The following CYREN variants were observed in gnomAD, a reference collection of about 807,000 sequenced individuals.
CYREN encodes the protein cell cycle regulator of NHEJ, also known as cell cycle regulator of non-homologous end joining.
A neutral mutation model predicts 9.7 loss-of-function variants in CYREN; 7 were observed. The ratio of observed to expected loss-of-function variants is 0.72; its 90% CI spans 0.41 to 1.36. The LOEUF is 1.36. Among genes scored for constraint, CYREN ranks in the 40% most tolerant of loss-of-function variants. The pLI is 0.01. For synonymous variants in CYREN, 76 were observed against 77.9 expected, an observed-to-expected ratio of 0.98 and a Z score of 0.13; for missense variants, 215 against 198.1, an observed-to-expected ratio of 1.09 and a Z score of -0.51.
chr7:135,144,701 A>T (rs947436609), intron 2 of CYREN, among the ~76,000 whole-genome samples: 1 of 151,998 alleles, frequency 6.6e-6, no homozygotes, highest in Non-Finnish European at 1.5e-5. Flanking sequence ...GAATCCCTTG[A>T]GCCCAGGAGT....
chr7:135,148,812 T>C (rs922419628), intron 2 of CYREN, among the ~76,000 whole-genome samples: 1 of 152,240 alleles, frequency 6.6e-6, no homozygotes, highest in Non-Finnish European at 1.5e-5. Flanking sequence ...TGTTAGTCAT[T>C]AGACCAGATT....
At chr7:135,164,942 C>T, downstream of CYREN, 1 of 1,613,076 alleles carries the variant, frequency 6.2e-7, no homozygotes. Flanking sequence ...TGCTTATAGC[C>T]ATGGCTGTGT....
chr7:135,168,926 T>C lies in CYREN; in HGVS notation c.-4A>G, dbSNP rs1585378444. On this transcript the variant is annotated 5_prime_UTR_variant, in exon 2 of 4. Transcript: ENST00000393114. ...TCTCGGATTGTAAGGTTTCCATCTC[T>C]GTACCTTCTCACAAAGAAGAGTCAG... The C allele has an allele frequency of 6.3e-7, 1 of 1,581,288 alleles. No homozygotes were observed. The highest frequency in any genetic ancestry group is 2.3e-5 in the East Asian group (1 of 43,570).
At chr7:135,142,096 T>C (rs555862694) in intron 2 of CYREN, among the ~76,000 whole-genome samples, 71 of 152,218 alleles carry the variant, frequency 4.7e-4, no homozygotes, top group Non-Finnish European at 7.1e-4. Context: ...TTCCAGAATA[T>C]CTTTGTTAGT....
At chr7:135,163,831 G>C (rs1402345538), downstream of CYREN, among the ~76,000 whole-genome samples, 2 of 152,240 alleles carry the variant, frequency 1.3e-5, no homozygotes, top group African/African-American at 4.8e-5. Flanking sequence ...GGGTGTGTCA[G>C]TGGTCCTTGA....
At chr7:135,158,593 C>T (rs945165243) in intron 2 of CYREN, among the ~76,000 whole-genome samples, 30 of 152,156 alleles carry the variant, frequency 2.0e-4, no homozygotes, top group African/African-American at 7.2e-4. Flanking sequence ...CAGCTACAGC[C>T]TCATCAGCCC....
chr7:135,167,937 G>A, intron 2 of CYREN, 130 bp from the exon 3 acceptor site: 1 of 1,473,332 alleles, frequency 6.8e-7, no homozygotes, highest in East Asian at 2.4e-5. Context: ...CCTCTGAGCT[G>A]AGGAGCTTTC....
At chr7:135,130,812 C>A (rs1269629914) in intron 2 of CYREN, among the ~76,000 whole-genome samples, 1 of 151,948 alleles carries the variant, frequency 6.6e-6, no homozygotes, top group Non-Finnish European at 1.5e-5. Flanking sequence ...TTTGCAACAG[C>A]AGTGTTTTGG....
intron 2 of CYREN, chr7:135,135,025 CA>C (rs1262471517): frequency 6.4e-7 from 1 of 1,551,080 alleles, no homozygotes; most frequent in African/African-American, 1.4e-5. Flanking sequence ...TAAACATTCT[CA>C]AATCTGGGCC....
chr7:135,096,151 C>CAA (rs201040922), intron 2 of CYREN, among the ~76,000 whole-genome samples: 60,158 of 147,640 alleles, frequency 0.41, 12,509 homozygotes, highest in South Asian at 0.59. Context: ...GACTCTCTCT[C>CAA]AAAAAAAAAA....
chr7:135,094,314 A>G (rs1190599777), exon 3 of CYREN: 2 of 452,244 alleles, frequency 4.4e-6, no homozygotes, highest in Non-Finnish European at 8.9e-6. Flanking sequence ...GCTGACAAGT[A>G]AACTACTACC....
intron 2 of CYREN, among the ~76,000 whole-genome samples, chr7:135,133,641 G>T (rs1829093143): frequency 6.6e-6 from 1 of 152,204 alleles, no homozygotes; most frequent in Admixed American, 6.5e-5. Flanking sequence ...CACTGATTTT[G>T]ATAGGGAATT....
rs1433800262 is a variant in CYREN at position 135,165,896 on chromosome 7, T to C, written c.*715A>G. 3 of 167,020 alleles carry C rather than the reference T, an allele frequency of 1.8e-5. No individual in the cohort carries two copies. Among genetic ancestry groups the C allele is most frequent in the Admixed American group, 6.5e-5 (1 of 15,290 alleles). The allele number at this position is 167,020 out of a possible 1,614,324, so 10.3% of individuals were successfully genotyped here. ...CACACTGAAAACAGAGGCAGAGACA[T>C]GTACTCTGGTGTGATCTCTTGTCCT... is the stretch of plus-strand genomic sequence containing the variant. On this transcript the variant is annotated 3_prime_UTR_variant, in exon 4 of 4. Coordinates refer to ENST00000393114, the MANE Select transcript of CYREN (RefSeq NM_024033.4).
chr7:135,135,938 A>G (rs963176520), intron 2 of CYREN, among the ~76,000 whole-genome samples: 2 of 152,236 alleles, frequency 1.3e-5, no homozygotes, highest in Non-Finnish European at 2.9e-5. Flanking sequence ...AAAGGTGTAA[A>G]GATGTACAGT....
At chr7:135,094,141 T>A in exon 3 of CYREN, 2 of 310,328 alleles carry the variant, frequency 6.4e-6, no homozygotes, top group Non-Finnish European at 1.3e-5. Flanking sequence ...AAACTACTCT[T>A]AGAAGAAAAT....
At chr7:135,144,042 A>T (rs1325480049) in intron 2 of CYREN, among the ~76,000 whole-genome samples, 1 of 152,174 alleles carries the variant, frequency 6.6e-6, no homozygotes, top group Non-Finnish European at 1.5e-5. Flanking sequence ...AGCGTTTCTC[A>T]TCTCCCTACC....
downstream of CYREN, among the ~76,000 whole-genome samples, chr7:135,163,393 G>C (rs1052419299): frequency 6.6e-6 from 1 of 152,136 alleles, no homozygotes; most frequent in Non-Finnish European, 1.5e-5. Context: ...TGTAATCCCA[G>C]CACTTTGGGA....
chr7:135,124,220 CA>C (rs369396148), intron 2 of CYREN, among the ~76,000 whole-genome samples: 140 of 138,106 alleles, frequency 1.0e-3, no homozygotes, highest in Non-Finnish European at 9.9e-4. Flanking sequence ...AAATGGAAAG[CA>C]AAAAAAAAAA....
intron 2 of CYREN, among the ~76,000 whole-genome samples, chr7:135,142,769 G>C (rs1269647617): frequency 6.6e-6 from 1 of 151,718 alleles, no homozygotes; most frequent in Non-Finnish European, 1.5e-5. Flanking sequence ...TATGTGTCAA[G>C]AGCTATATGA....
Sources: gnomAD v4.1 joint callset for allele counts (sites outside exome capture counted in the v4.1 genomes callset) on GRCh38, gnomAD v4.1.1 for gene constraint, MANE v1.5 for transcripts, NCBI Gene and HGNC (gene_info 2026-07-23, HGNC 2026-07-21) for gene names.